The following MYH16 variants were observed in gnomAD, a reference collection of about 807,000 sequenced individuals.
The protein encoded by MYH16 is myosin heavy chain 16, also known as putative uncharacterized protein MYH16.
At chr7:99,281,435 G>A (rs1792197577) in intron 23 of MYH16, among the ~76,000 whole-genome samples, 1 of 151,690 alleles carries the variant, frequency 6.6e-6, no homozygotes, top group African/African-American at 2.4e-5. Flanking sequence ...GGTGGCACGC[G>A]CCTGTAGTCC....
chr7:99,249,551 A>G (rs960339767), intron 4 of MYH16, among the ~76,000 whole-genome samples: 5 of 150,812 alleles, frequency 3.3e-5, no homozygotes, highest in African/African-American at 9.7e-5. Flanking sequence ...AAAAAAAAAA[A>G]AAAAAGAAAA....
At chr7:99,305,609 C>A (rs1014972454) in intron 40 of MYH16, 2 of 152,504 alleles carry the variant, frequency 1.3e-5, no homozygotes, top group African/African-American at 4.8e-5. Context: ...GCAGTGGACA[C>A]TGCAGCCACA....
At chr7:99,298,778 T>A (rs1274217330) in intron 36 of MYH16, among the ~76,000 whole-genome samples, 15 of 152,002 alleles carry the variant, frequency 9.9e-5, no homozygotes, top group African/African-American at 2.2e-4. Flanking sequence ...TTTTTTTTTT[T>A]AATTATACTT....
At chr7:99,295,223 C>T (rs1358355955) in intron 33 of MYH16, among the ~76,000 whole-genome samples, 1 of 151,732 alleles carries the variant, frequency 6.6e-6, no homozygotes, top group Non-Finnish European at 1.5e-5. Context: ...TAATAAAATA[C>T]AAAAAATTAG....
At chr7:99,244,947 G>T (rs1187778532) in intron 2 of MYH16, among the ~76,000 whole-genome samples, 1 of 152,226 alleles carries the variant, frequency 6.6e-6, no homozygotes, top group Non-Finnish European at 1.5e-5. Flanking sequence ...AGAGACCAGG[G>T]CAGGGAGTCC....
chr7:99,263,034 G>C (rs1434907203), intron 13 of MYH16, among the ~76,000 whole-genome samples: 10 of 152,206 alleles, frequency 6.6e-5, no homozygotes, highest in Non-Finnish European at 1.2e-4. Context: ...CACAGCCCAG[G>C]AGAGAGTAGC....
At chr7:99,276,690 A>C (rs953388985) in intron 20 of MYH16, among the ~76,000 whole-genome samples, 1 of 152,254 alleles carries the variant, frequency 6.6e-6, no homozygotes, top group Admixed American at 6.5e-5. Flanking sequence ...GACACAGTGC[A>C]GGAGGAGGGC....
At chr7:99,265,025 A>G (rs972662776) in intron 15 of MYH16, 1 of 152,698 alleles carries the variant, frequency 6.5e-6, no homozygotes, top group South Asian at 2.1e-4. Flanking sequence ...AACTTTAAAC[A>G]AATACCTCTC....
chr7:99,259,839 GTATGTA>G (rs1321262261), intron 11 of MYH16, among the ~76,000 whole-genome samples: 8 of 57,586 alleles, frequency 1.4e-4, no homozygotes, highest in Non-Finnish European at 2.7e-4. Context: ...ATATATATAT[GTATGTA>G]TGTGTATATA....
intron 2 of MYH16, among the ~76,000 whole-genome samples, chr7:99,245,762 G>A (rs1253200603): frequency 6.6e-6 from 1 of 152,146 alleles, no homozygotes; most frequent in Non-Finnish European, 1.5e-5. Context: ...TCCTGACCCT[G>A]TGATCCGCCT....
chr7:99,311,044 C>T (rs1320801825), downstream of MYH16: 2 of 152,054 alleles, frequency 1.3e-5, no homozygotes, highest in South Asian at 2.1e-4. Context: ...GTCTGTGACC[C>T]GGCTGTTCTC....
chr7:99,281,108 A>C (rs1302738495), intron 23 of MYH16, 128 bp downstream of exon 5: 1 of 195,226 alleles, frequency 5.1e-6, no homozygotes, highest in Non-Finnish European at 1.1e-5. Context: ...GCCTTAGGGA[A>C]GTTAAGGAAT....
At chr7:99,257,328 C>G (rs993275080) in exon 10 of MYH16, 3 of 163,152 alleles carry the variant, frequency 1.8e-5, no homozygotes, top group Non-Finnish European at 2.7e-5. Context: ...TGGGCTTCAG[C>G]GCCGAGGAGA....
intron 30 of MYH16, among the ~76,000 whole-genome samples, chr7:99,289,662 G>A (rs1005985092): frequency 9.9e-5 from 15 of 152,154 alleles, no homozygotes; most frequent in African/African-American, 3.6e-4. Context: ...TCATGCTGAC[G>A]AAATACAATT....
At chr7:99,283,188 T>G (rs1330810401) in intron 23 of MYH16, among the ~76,000 whole-genome samples, 1 of 152,156 alleles carries the variant, frequency 6.6e-6, no homozygotes, top group Non-Finnish European at 1.5e-5. Flanking sequence ...AGCCCCAACC[T>G]CCTGGGCTCG....
chr7:99,296,724 G>T, exon 34 of MYH16: 1 of 456,102 alleles, frequency 2.2e-6, no homozygotes, highest in Admixed American at 2.3e-5. Flanking sequence ...CTGCTGCCCT[G>T]GACAAGAAGC....
intron 1 of MYH16, among the ~76,000 whole-genome samples, chr7:99,240,113 C>G (rs1297883389): frequency 6.6e-6 from 1 of 151,550 alleles, no homozygotes; most frequent in African/African-American, 2.4e-5. Context: ...TTGGCAGACC[C>G]CTGGTGAGGC....
At chr7:99,299,927 T>TTTTATTTTATTTTATTTATTTA (rs1405217065) in intron 37 of MYH16, among the ~76,000 whole-genome samples, 4 of 138,182 alleles carry the variant, frequency 2.9e-5, no homozygotes, top group African/African-American at 1.1e-4. Flanking sequence ...TTTTATTTTA[T>TTTTATTTTATTTTATTTATTTA]TTTATTTATT....
At chr7:99,299,930 TA>T (rs1343115484) in intron 37 of MYH16, among the ~76,000 whole-genome samples, 69 of 63,380 alleles carry the variant, frequency 1.1e-3, no homozygotes, top group African/African-American at 3.7e-3. Flanking sequence ...TATTTTATTT[TA>T]TTTATTTATT....
Sources: allele counts gnomAD v4.1 joint callset (sites outside exome capture counted in the v4.1 genomes callset), GRCh38; gene constraint gnomAD v4.1.1; transcripts MANE v1.5; gene names NCBI Gene and HGNC (gene_info 2026-07-23, HGNC 2026-07-21).